Variants in MKLN1 observed in about 807,000 individuals in gnomAD.
MKLN1 encodes muskelin.
In MKLN1, 18 loss-of-function variants were observed where a neutral mutation model predicts 99.0. The ratio of observed to expected loss-of-function variants is 0.18; its 90% CI spans 0.13 to 0.27. The LOEUF (loss-of-function observed/expected upper bound fraction) is 0.27. Among genes scored for constraint, MKLN1 ranks in the 10% least tolerant of loss-of-function variants. The pLI, the probability that MKLN1 is intolerant of heterozygous loss-of-function variation, is 1.00. For synonymous variants in MKLN1, 288 were observed against 293.2 expected (o/e 0.98, Z 0.18); for missense variants, 621 against 875.9 (o/e 0.71, Z 3.67).
chr7:131,355,551 G>C (rs998807548), intron 1 of MKLN1, among the ~76,000 whole-genome samples: 8 of 150,782 alleles, frequency 5.3e-5, no homozygotes, highest in African/African-American at 1.2e-4. Flanking sequence ...GTTGTAATTA[G>C]AGGTCTTCTC....
At chr7:131,157,569 GAC>G (rs1282261890) in intron 2 of MKLN1, among the ~76,000 whole-genome samples, 14 of 152,134 alleles carry the variant, frequency 9.2e-5, no homozygotes, top group Non-Finnish European at 1.8e-4. Context: ...TGGAATAGCT[GAC>G]ACACAGTTAT....
chr7:131,408,129 G>A (rs1166247652), intron 6 of MKLN1, among the ~76,000 whole-genome samples: 1 of 152,076 alleles, frequency 6.6e-6, no homozygotes, highest in Non-Finnish European at 1.5e-5. Flanking sequence ...TTAAGATGGT[G>A]TATCTAGTAA....
At chr7:131,317,796 G>C (rs1223149564) in intron 3 of MKLN1, among the ~76,000 whole-genome samples, 1 of 146,424 alleles carries the variant, frequency 6.8e-6, no homozygotes, top group East Asian at 2.0e-4. Flanking sequence ...AGCAGGGGTT[G>C]CAATCCTAGT....
intron 3 of MKLN1, among the ~76,000 whole-genome samples, chr7:131,215,956 G>T (rs371326675): frequency 6.6e-6 from 1 of 152,112 alleles, no homozygotes; most frequent in African/African-American, 2.4e-5. Flanking sequence ...TTTACCACCC[G>T]CTCCCCTCAC....
rs537844842 is a variant in MKLN1 at position 131,267,736 on chromosome 7, C to T, written c.-179+64762C>T. Among the ~76,000 whole-genome samples the T allele has an allele frequency of 3.3e-5, 5 of 152,266 alleles. No individual in the cohort carries two copies. In the South Asian group the frequency reaches 8.3e-4, roughly 25 times the overall value. The stretch of plus-strand genomic sequence containing the variant: ...TTGTTTTTTAAATGTTTTCAGTCAG[C>T]ATATCTTTATTTATTGTCCTTAATA... On this transcript the variant is annotated intron_variant, in intron 3 of 7. Transcript: ENST00000416992.
At chr7:131,306,322 T>G (rs1798466119) in intron 3 of MKLN1, among the ~76,000 whole-genome samples, 1 of 152,194 alleles carries the variant, frequency 6.6e-6, no homozygotes, top group Non-Finnish European at 1.5e-5. Context: ...AATGTGGAAG[T>G]GACTTTGGAA....
In MKLN1 at chr7:131,470,955, G is replaced by A. The variant is rs756456885; in HGVS notation, c.2031+11G>A. 7 of 1,543,572 alleles carry A rather than the reference G, an allele frequency of 4.5e-6. No homozygotes were observed. Among genetic ancestry groups the A allele is most frequent in the Middle Eastern group, 1.7e-4 (1 of 5,914 alleles). ...GAAGAGACAAAAGAGGTAAAGAAAG[G>A]TGGTAATAAATTTCAGAAATTAAGT... On this transcript the variant is annotated intron_variant, in intron 16 of 17. Coordinates refer to ENST00000352689, the MANE Select transcript of MKLN1 (RefSeq NM_013255.5).
At chr7:131,278,237 C>T (rs916449894) in intron 3 of MKLN1, among the ~76,000 whole-genome samples, 1 of 151,994 alleles carries the variant, frequency 6.6e-6, no homozygotes, top group Non-Finnish European at 1.5e-5. Flanking sequence ...AGGGTTTTGC[C>T]ATGTTGCCCA....
Position 131,173,676 on chromosome 7 carries a change from G to A in MKLN1, c.-296-29181G>A, listed in dbSNP as rs577238713. On this transcript the variant is annotated intron_variant, in intron 2 of 7. Transcript: ENST00000416992. ...GGAGGTTGCAGTGAGTTGAGATCGT[G>A]CCATTGCATTCCAACCTGGGTCATA... Among the ~76,000 whole-genome samples, 14 of 152,216 alleles carry A rather than the reference G, an allele frequency of 9.2e-5. No homozygotes were observed. The South Asian group carries it at 2.3e-3, about 25-fold the overall frequency.
chr7:131,461,965 ATTAAC>A (rs781684506), intron 12 of MKLN1, among the ~76,000 whole-genome samples: 1 of 152,214 alleles, frequency 6.6e-6, no homozygotes, highest in African/African-American at 2.4e-5. Context: ...ATACAGCATT[ATTAAC>A]TTTGGGGAGT....
chr7:131,154,992 C>T (rs1795943027), intron 2 of MKLN1, among the ~76,000 whole-genome samples: 1 of 152,140 alleles, frequency 6.6e-6, no homozygotes, highest in East Asian at 1.9e-4. Flanking sequence ...ACATTTTAGA[C>T]ATTTACACTG....
At chr7:131,289,488 G>A (rs1016496682) in intron 3 of MKLN1, among the ~76,000 whole-genome samples, 4 of 151,984 alleles carry the variant, frequency 2.6e-5, no homozygotes, top group Admixed American at 6.6e-5. Context: ...AACCCCAACC[G>A]CAAATCCTTA....
chr7:131,272,639 G>A (rs1447191651), intron 3 of MKLN1, among the ~76,000 whole-genome samples: 1 of 152,156 alleles, frequency 6.6e-6, no homozygotes, highest in Non-Finnish European at 1.5e-5. Flanking sequence ...AAGAAAAAGA[G>A]GTTTAATTGG....
At chr7:131,472,347 C>G (rs1427504598) in intron 16 of MKLN1, 7 of 151,862 alleles carry the variant, frequency 4.6e-5, no homozygotes, top group Admixed American at 3.9e-4. Context: ...GCAAGTAGGC[C>G]AAAGAAAACA....
rs1226498648 is a variant in MKLN1, at chr7:131,133,834, T to G, written c.-418-8986T>G. The stretch of plus-strand genomic sequence containing the variant: ...TTTTTAATTTGGTTTTTTTTTTTTT[T>G]TTTTTTTTTTTTGAGACGAAGTTTT... On this transcript the variant is annotated intron_variant, in intron 1 of 7. Coordinates refer to the MKLN1 transcript ENST00000416992. 1.4e-4 allele frequency among the ~76,000 whole-genome samples: 20 copies of G among 139,158 alleles called. No individual in the cohort carries two copies. The East Asian group carries it at 2.3e-3, about 16-fold the overall frequency. The allele number at this position is 139,158 out of a possible 152,430, so 91.3% of individuals were successfully genotyped here.
intron 1 of MKLN1, among the ~76,000 whole-genome samples, chr7:131,111,973 T>C (rs1355002410): frequency 6.6e-6 from 1 of 152,128 alleles, no homozygotes; most frequent in Non-Finnish European, 1.5e-5. Flanking sequence ...ACTAATTGTC[T>C]TTTTTACCAA....
At chr7:131,218,416 G>A (rs1243423560) in intron 3 of MKLN1, among the ~76,000 whole-genome samples, 6 of 152,120 alleles carry the variant, frequency 3.9e-5, no homozygotes, top group African/African-American at 1.4e-4. Context: ...TATGAAAGTG[G>A]TTTTGGTCCC....
At chr7:131,122,638 TGA>T (rs1251913264) in intron 1 of MKLN1, among the ~76,000 whole-genome samples, 1 of 152,118 alleles carries the variant, frequency 6.6e-6, no homozygotes, top group Non-Finnish European at 1.5e-5. Flanking sequence ...CAGTTTCCCA[TGA>T]GAGAGAAAGG....
chr7:131,408,188 T>TA (rs2116307822), intron 6 of MKLN1, among the ~76,000 whole-genome samples: 1 of 152,282 alleles, frequency 6.6e-6, no homozygotes, highest in African/African-American at 2.4e-5. Context: ...CAAAAATCCA[T>TA]ACTCTCTATC....
Sources: allele counts gnomAD v4.1 joint callset (sites outside exome capture counted in the v4.1 genomes callset), GRCh38; gene constraint gnomAD v4.1.1; transcripts MANE v1.5; gene names NCBI Gene and HGNC (gene_info 2026-07-23, HGNC 2026-07-21).